The following OPCML variants were observed in gnomAD, a reference collection of about 807,000 sequenced individuals.
OPCML encodes the protein opioid binding protein/cell adhesion molecule like, also known as opioid-binding protein/cell adhesion molecule.
Under a neutral mutation model 37.8 loss-of-function variants are expected in OPCML, and 13 were observed. That is an observed-to-expected ratio of 0.34 (90% confidence interval 0.22 to 0.55). The LOEUF (loss-of-function observed/expected upper bound fraction) is 0.55. Among genes scored for constraint, OPCML ranks in the 20% least tolerant of loss-of-function variants. OPCML has a pLI of 0.91. For synonymous variants in OPCML, 176 were observed against 168.8 expected (o/e 1.04, Z -0.33); for missense variants, 341 against 435.6 (o/e 0.78, Z 1.93).
At chr11:132,553,276 T>G (rs1379718725) in intron 3 of OPCML, among the ~76,000 whole-genome samples, 1 of 152,192 alleles carries the variant, frequency 6.6e-6, no homozygotes, top group Non-Finnish European at 1.5e-5. Flanking sequence ...GATCGTGGCT[T>G]ATGGATCAGA....
rs1045745974 is a variant in OPCML at position 132,943,534 on chromosome 11, G to T, written c.62-524C>A. ...AGAAGGCAAGTGTCTCTGACATACAGGAGCTGTCATAAAAAGCTGCGGCTT... is the reference window on the plus strand; with the variant it reads ...AGAAGGCAAGTGTCTCTGACATACATGAGCTGTCATAAAAAGCTGCGGCTT... On this transcript the variant is annotated intron_variant, in intron 1 of 7. Coordinates refer to ENST00000524381, the MANE Select transcript of OPCML (RefSeq NM_001012393.5). This position sits in a 1 kb window ranked among gnomAD's most constrained non-coding sequence, Gnocchi z 4.3. 4.7e-5 allele frequency: 9 copies of T among 192,978 alleles called. No individual in the cohort carries two copies. Among genetic ancestry groups the T allele is most frequent in the African/African-American group, 2.1e-4 (9 of 43,578 alleles). 12.0% of individuals were successfully genotyped at this position (192,978 alleles called of 1,614,324 possible). A position where few individuals can be genotyped will look rare whatever the true frequency, so the allele number is the denominator to read the frequency against.
At chr11:132,461,624 C>T (rs1475961218) in intron 4 of OPCML, among the ~76,000 whole-genome samples, 1 of 152,166 alleles carries the variant, frequency 6.6e-6, no homozygotes, top group Non-Finnish European at 1.5e-5. Context: ...GTAGCAAGAA[C>T]TTGGCCTTAT....
rs185150207 is a variant in OPCML at position 132,954,708 on chromosome 11, T to C, written c.62-11698A>G. 1.7e-4 allele frequency among the ~76,000 whole-genome samples: 26 copies of C among 152,282 alleles called. No homozygotes were observed. In the East Asian group the frequency reaches 2.1e-3, roughly 12 times the overall value. On this transcript the variant is annotated intron_variant, in intron 1 of 7. Coordinates refer to ENST00000524381, the MANE Select transcript of OPCML (RefSeq NM_001012393.5). ...CATAGATTTTGGAATCATCTTTGCA[T>C]ACATGGGAGCTGAAGCCCTGGGTAC... is the stretch of plus-strand genomic sequence containing the variant.
chr11:133,491,405 A>C (rs1947654457), intron 1 of OPCML, among the ~76,000 whole-genome samples: 1 of 152,160 alleles, frequency 6.6e-6, no homozygotes, highest in Admixed American at 6.5e-5. Flanking sequence ...GATCGATTTC[A>C]CTGTAACGGT....
At chr11:132,932,874 T>A (rs1025647493) in intron 2 of OPCML, among the ~76,000 whole-genome samples, 7 of 152,040 alleles carry the variant, frequency 4.6e-5, no homozygotes, top group Non-Finnish European at 8.8e-5. Flanking sequence ...TATTTTTTTT[T>A]AATCAGGAAA....
chr11:132,962,902 C>T (rs759895778), intron 1 of OPCML, among the ~76,000 whole-genome samples: 2 of 152,214 alleles, frequency 1.3e-5, no homozygotes, highest in Non-Finnish European at 2.9e-5. Flanking sequence ...TCATCCCCAC[C>T]AGCCTGCCTT....
In OPCML at chr11:132,588,136, G is replaced by GGT. The variant is rs1764332139; in HGVS notation, c.380-58951_380-58950insAC. Among the ~76,000 whole-genome samples, 3 of 152,110 alleles carry GGT rather than the reference G, an allele frequency of 2.0e-5. 1 individual carries two copies. The highest frequency in any genetic ancestry group is 7.2e-5 in the African/African-American group (3 of 41,416). On this transcript the variant is annotated intron_variant, in intron 3 of 7. Coordinates refer to ENST00000524381, the MANE Select transcript of OPCML (RefSeq NM_001012393.5). Reference sequence around the variant, plus strand: ...TAGCGACAATTGATTCTGATCACCAGGATCAGAATCCTGGTGGTAGGGCTG... The same window carrying GGT: ...TAGCGACAATTGATTCTGATCACCAGGTGATCAGAATCCTGGTGGTAGGGCTG...
chr11:132,573,401 T>C (rs61571621), intron 3 of OPCML, among the ~76,000 whole-genome samples: 18,106 of 152,008 alleles, frequency 0.12, 1,339 homozygotes, highest in East Asian at 0.21. Context: ...ATGACTTTTA[T>C]CATGTTGATA....
At chr11:132,679,648 G>A (rs572021612) in intron 2 of OPCML, among the ~76,000 whole-genome samples, 8 of 152,312 alleles carry the variant, frequency 5.3e-5, no homozygotes, top group African/African-American at 1.7e-4. Flanking sequence ...CCTGGAGGAT[G>A]ATGGAATTGT....
chr11:132,952,715 T>C (rs1945887047), intron 1 of OPCML, among the ~76,000 whole-genome samples: 1 of 152,136 alleles, frequency 6.6e-6, no homozygotes, highest in Admixed American at 6.5e-5. Context: ...GGCGATCCTC[T>C]GAGTTTGTGT....
At chr11:133,140,513 A>AAATTATAAT (rs1555102085) in intron 1 of OPCML, among the ~76,000 whole-genome samples, 2 of 95,906 alleles carry the variant, frequency 2.1e-5, no homozygotes, top group African/African-American at 7.9e-5. Context: ...CTCTGTCTCA[A>AAATTATAAT]AATAATAATA....
chr11:132,554,883 T>TTTTTTTTTTTTTC (rs1255603307), intron 3 of OPCML, among the ~76,000 whole-genome samples: 4,204 of 125,422 alleles, frequency 0.034, 218 homozygotes, highest in East Asian at 0.15. Flanking sequence ...TTTTTTTTTT[T>TTTTTTTTTTTTTC]TTTTTTTTCA....
At chr11:132,814,630 C>T (rs571401551) in intron 2 of OPCML, among the ~76,000 whole-genome samples, 1 of 152,342 alleles carries the variant, frequency 6.6e-6, no homozygotes, top group Admixed American at 6.5e-5. Context: ...AATTCAAATG[C>T]TAATCTCATC....
chr11:133,260,073 G>A (rs1656792434), intron 1 of OPCML, among the ~76,000 whole-genome samples: 1 of 151,942 alleles, frequency 6.6e-6, no homozygotes, highest in Non-Finnish European at 1.5e-5. Flanking sequence ...TATGTAATAG[G>A]TGGATCAGCA....
Position 133,371,588 on chromosome 11 carries a change from C to G in OPCML, c.61+160676G>C, listed in dbSNP as rs185844188. 3.5e-3 allele frequency among the ~76,000 whole-genome samples: 533 copies of G among 152,206 alleles called. 4 individuals carry two copies. The highest frequency in any genetic ancestry group is 6.5e-3 in the Non-Finnish European group (443 of 68,026). Reference sequence around the variant, plus strand: ...GATGGTTTCATAAGTGGTAGTTTACCCTGCTCTCCTCTATCCTCTCTCCTG... The same window carrying G: ...GATGGTTTCATAAGTGGTAGTTTACGCTGCTCTCCTCTATCCTCTCTCCTG... On this transcript the variant is annotated intron_variant, in intron 1 of 7. Coordinates refer to ENST00000524381, the MANE Select transcript of OPCML (RefSeq NM_001012393.5).
chr11:133,282,689 A>G (rs1200647412), intron 1 of OPCML, among the ~76,000 whole-genome samples: 1 of 152,140 alleles, frequency 6.6e-6, no homozygotes, highest in Non-Finnish European at 1.5e-5. Flanking sequence ...TTGCCTCTTG[A>G]GTCTGGAAAA....
At chr11:133,461,489 C>T (rs971848596) in intron 1 of OPCML, among the ~76,000 whole-genome samples, 3 of 151,752 alleles carry the variant, frequency 2.0e-5, no homozygotes, top group Non-Finnish European at 3.0e-5. Flanking sequence ...ATTCCACTTG[C>T]AATAGCATCA....
At chr11:133,312,235 C>T (rs1289769134) in intron 1 of OPCML, among the ~76,000 whole-genome samples, 2 of 152,144 alleles carry the variant, frequency 1.3e-5, no homozygotes, top group African/African-American at 4.8e-5. Context: ...ATGTACACAG[C>T]CAGTGAAGCT....
intron 1 of OPCML, among the ~76,000 whole-genome samples, chr11:132,975,076 C>T (rs1051912195): frequency 3.3e-5 from 5 of 152,032 alleles, no homozygotes; most frequent in Admixed American, 3.3e-4. Flanking sequence ...TTTCTCTCCA[C>T]AGTTACTGCG....
Sources: gnomAD v4.1 joint callset for allele counts (sites outside exome capture counted in the v4.1 genomes callset) on GRCh38, gnomAD v4.1.1 for gene constraint, Gnocchi (gnomAD v3.1) non-coding constraint, MANE v1.5 for transcripts, NCBI Gene and HGNC (gene_info 2026-07-23, HGNC 2026-07-21) for gene names.